The following PPP1R9A variants were observed in gnomAD, a reference collection of about 807,000 sequenced individuals.
PPP1R9A encodes neurabin-1.
In PPP1R9A, 59 loss-of-function variants were observed where a neutral mutation model predicts 141.9. That is an observed-to-expected ratio of 0.42 (90% CI 0.34 to 0.52). The LOEUF is 0.52. Ranked by LOEUF, PPP1R9A falls within the 20% of genes least tolerant of loss-of-function variation. The pLI is 0.10. For missense variants in PPP1R9A, 1,444 were observed against 1,611.9 expected, an observed-to-expected ratio of 0.90 and a Z score of 1.78; for synonymous variants, 500 against 569.7, an observed-to-expected ratio of 0.88 and a Z score of 1.74.
intron 5 of PPP1R9A, among the ~76,000 whole-genome samples, chr7:95,168,106 C>T (rs539711018): frequency 4.9e-4 from 74 of 152,114 alleles, no homozygotes; most frequent in Admixed American, 2.4e-3. Flanking sequence ...GCAAAAAGAA[C>T]AAAGTTGGAG....
intron 5 of PPP1R9A, among the ~76,000 whole-genome samples, chr7:95,163,918 A>G (rs1182903664): frequency 1.3e-5 from 2 of 152,092 alleles, no homozygotes. Context: ...TTGTATTTTT[A>G]GTAGAGACAG....
intron 5 of PPP1R9A, among the ~76,000 whole-genome samples, chr7:95,162,824 C>T (rs1018509526): frequency 9.9e-5 from 15 of 152,284 alleles, no homozygotes; most frequent in East Asian, 7.7e-4. Flanking sequence ...TTTGCTGAAG[C>T]ATGATTTAAG....
At chr7:95,137,206 G>T (rs1405543472) in intron 4 of PPP1R9A, among the ~76,000 whole-genome samples, 4 of 151,338 alleles carry the variant, frequency 2.6e-5, no homozygotes, top group African/African-American at 9.7e-5. Flanking sequence ...TTTACATTAG[G>T]TATATCTCCT....
chr7:95,127,740 G>T (rs1050436885), intron 4 of PPP1R9A, among the ~76,000 whole-genome samples: 1 of 151,982 alleles, frequency 6.6e-6, no homozygotes, highest in East Asian at 1.9e-4. Context: ...CCAGGATTTA[G>T]CTCCCACTTA....
chr7:95,184,636 A>G (rs1471186776), intron 5 of PPP1R9A, among the ~76,000 whole-genome samples: 11 of 152,100 alleles, frequency 7.2e-5, no homozygotes, highest in Non-Finnish European at 1.3e-4. Context: ...TTTCCTCCCA[A>G]GTCCCCATAG....
chr7:95,184,593 G>GTGTA (rs1211898279), intron 5 of PPP1R9A, among the ~76,000 whole-genome samples: 1 of 152,134 alleles, frequency 6.6e-6, no homozygotes, highest in Non-Finnish European at 1.5e-5. Flanking sequence ...TGTTCCCAAT[G>GTGTA]TGTAGTCTGT....
At chr7:95,239,598 G>A (rs1430775623) in intron 8 of PPP1R9A, among the ~76,000 whole-genome samples, 1 of 151,840 alleles carries the variant, frequency 6.6e-6, no homozygotes, top group Non-Finnish European at 1.5e-5. Context: ...ATTGGAATCT[G>A]TATTTTTTAC....
chr7:95,219,762 A>G (rs931158032), intron 7 of PPP1R9A, among the ~76,000 whole-genome samples: 5 of 152,084 alleles, frequency 3.3e-5, no homozygotes, highest in Admixed American at 6.6e-5. Context: ...TGAGATTGGT[A>G]TCTTTTACAC....
At position 95,263,981 on chromosome 7, in the gene PPP1R9A, A is replaced by G. The variant is rs189083961; in HGVS notation, c.2666-4569A>G. ...GTTTTGTTATCATGACTGTTTTGCA[A>G]TTGAGGATCCTGAGGGACAGAGGTT... On this transcript the variant is annotated intron_variant, in intron 12 of 19. Transcript: ENST00000433360. Among the ~76,000 whole-genome samples the G allele has an allele frequency of 4.4e-3, 665 of 152,272 alleles. 2 individuals carry two copies. Among genetic ancestry groups the G allele is most frequent in the Non-Finnish European group, 7.2e-3 (489 of 68,020 alleles).
intron 2 of PPP1R9A, among the ~76,000 whole-genome samples, chr7:94,934,479 C>T (rs1049442524): frequency 3.9e-5 from 6 of 152,014 alleles, no homozygotes; most frequent in Non-Finnish European, 7.4e-5. Context: ...AGTATTATCC[C>T]TCATGTTTAT....
chr7:94,983,887 G>T (rs1800454496), intron 2 of PPP1R9A, among the ~76,000 whole-genome samples: 1 of 152,290 alleles, frequency 6.6e-6, no homozygotes, highest in Admixed American at 6.5e-5. Flanking sequence ...AGTGGTGAGA[G>T]AGGGCATCCC....
chr7:95,089,447 A>G (rs1436077662), intron 2 of PPP1R9A, among the ~76,000 whole-genome samples: 1 of 152,202 alleles, frequency 6.6e-6, no homozygotes. Flanking sequence ...AGCTTTGAAT[A>G]GCTGTGTGAA....
intron 2 of PPP1R9A, among the ~76,000 whole-genome samples, chr7:94,969,866 G>A (rs1456479108): frequency 3.9e-5 from 6 of 152,202 alleles, no homozygotes. Context: ...AATGTAGAGA[G>A]TCAGTCTGGC....
intron 5 of PPP1R9A, among the ~76,000 whole-genome samples, chr7:95,170,426 A>G (rs1415580780): frequency 1.3e-5 from 2 of 151,676 alleles, no homozygotes; most frequent in Non-Finnish European, 3.0e-5. Flanking sequence ...TGAAAACTAC[A>G]TGAAGAGACA....
In PPP1R9A at chr7:95,152,730, T is replaced by A. The variant is rs114581873; in HGVS notation, c.1650-9137T>A. Among the ~76,000 whole-genome samples, 887 of 152,298 alleles carry A rather than the reference T, an allele frequency of 5.8e-3. 11 individuals carry two copies. Among genetic ancestry groups the A allele is most frequent in the African/African-American group, 0.02 (846 of 41,552 alleles). Reference sequence around the variant, plus strand: ...ACTCAGTTACCCATATTACCATTGTTAATTAACTTGTATTTAACCTTCTCT... The same window carrying A: ...ACTCAGTTACCCATATTACCATTGTAAATTAACTTGTATTTAACCTTCTCT... On this transcript the variant is annotated intron_variant, in intron 4 of 19. Transcript: ENST00000433360.
At chr7:95,110,405 T>C (rs1246633049) in intron 2 of PPP1R9A, among the ~76,000 whole-genome samples, 4 of 152,196 alleles carry the variant, frequency 2.6e-5, no homozygotes, top group Non-Finnish European at 5.9e-5. Context: ...TTTAGATGCA[T>C]AATAATTATT....
At chr7:95,146,387 T>C (rs549104528) in intron 4 of PPP1R9A, among the ~76,000 whole-genome samples, 1 of 152,334 alleles carries the variant, frequency 6.6e-6, no homozygotes, top group East Asian at 1.9e-4. Context: ...TTGTAGATTC[T>C]GGATATTAGC....
chr7:95,040,441 C>T (rs917899587), intron 2 of PPP1R9A, among the ~76,000 whole-genome samples: 6 of 151,612 alleles, frequency 4.0e-5, no homozygotes, highest in Non-Finnish European at 8.8e-5. Flanking sequence ...TCCTTTGAGA[C>T]CAGCCTGGGC....
chr7:94,928,003 A>G (rs1793691536), intron 2 of PPP1R9A, among the ~76,000 whole-genome samples: 2 of 152,172 alleles, frequency 1.3e-5, no homozygotes, highest in African/African-American at 4.8e-5. Flanking sequence ...TGACCCAGGG[A>G]AGCCAGTACA....
Sources: allele counts gnomAD v4.1 joint callset (sites outside exome capture counted in the v4.1 genomes callset), GRCh38; gene constraint gnomAD v4.1.1; transcripts MANE v1.5; gene names NCBI Gene and HGNC (gene_info 2026-07-23, HGNC 2026-07-21).